Variants in MITF observed in about 807,000 individuals in gnomAD.
MITF encodes melanocyte inducing transcription factor.
In MITF, 17 loss-of-function variants were observed where a neutral mutation model predicts 60.5. The ratio of observed to expected loss-of-function variants is 0.28; its 90% CI spans 0.19 to 0.42. MITF has a LOEUF of 0.42. Ranked by LOEUF, MITF falls within the 10% of genes least tolerant of loss-of-function variation. The probability of loss-of-function intolerance (pLI) is 1.00; values close to 1 mark genes in which losing one functional copy is unlikely to be tolerated. For synonymous variants in MITF, 260 were observed against 248.5 expected, an observed-to-expected ratio of 1.05 and a Z score of -0.43; for missense variants, 622 against 683.5, an observed-to-expected ratio of 0.91 and a Z score of 1.00.
At chr3:69,870,585 C>A (rs1041905410) in intron 1 of MITF, among the ~76,000 whole-genome samples, 1 of 151,776 alleles carries the variant, frequency 6.6e-6, no homozygotes, top group Non-Finnish European at 1.5e-5. Flanking sequence ...CAGGCGTGTA[C>A]CACCATGCCT....
chr3:69,919,805 T>G (rs1022571257), intron 2 of MITF, among the ~76,000 whole-genome samples: 3 of 129,624 alleles, frequency 2.3e-5, no homozygotes, highest in African/African-American at 7.4e-5. Flanking sequence ...AGATGAAAAA[T>G]TATTTGCTGG....
At chr3:69,961,720 G>C (rs920365117) in intron 9 of MITF, among the ~76,000 whole-genome samples, 1 of 152,062 alleles carries the variant, frequency 6.6e-6, no homozygotes, top group Non-Finnish European at 1.5e-5. Context: ...GCAAGACTCC[G>C]TCTCAAAAAA....
intron 5 of MITF, among the ~76,000 whole-genome samples, chr3:69,947,513 CAA>C (rs1204120341): frequency 3.9e-5 from 6 of 152,164 alleles, no homozygotes; most frequent in East Asian, 1.9e-4. Context: ...AGCTAATAAT[CAA>C]AGTCACTTTT....
chr3:69,776,229 G>A lies in MITF; in HGVS notation c.104+36528G>A, dbSNP rs535706791. The stretch of plus-strand genomic sequence containing the variant: ...CTTCTGTAAGCCTCAGAATTGTAAA[G>A]TGGAGATAAAAATACCAGCTACCTT... On this transcript the variant is annotated intron_variant, in intron 1 of 9. Transcript: ENST00000352241. Among the ~76,000 whole-genome samples the A allele has an allele frequency of 1.9e-3, 292 of 152,324 alleles. 3 individuals carry two copies. The highest frequency in any genetic ancestry group is 6.8e-3 in the African/African-American group (281 of 41,574).
chr3:69,847,778 T>C (rs1310144886), intron 1 of MITF, among the ~76,000 whole-genome samples: 1 of 152,222 alleles, frequency 6.6e-6, no homozygotes, highest in Non-Finnish European at 1.5e-5. Flanking sequence ...CCTCCAAGAC[T>C]TTGCCATGTT....
intron 1 of MITF, among the ~76,000 whole-genome samples, chr3:69,828,366 A>G (rs971667442): frequency 2.0e-5 from 3 of 152,204 alleles, no homozygotes; most frequent in Admixed American, 2.0e-4. Flanking sequence ...TCATCTTAGA[A>G]GAGTAATAGG....
At chr3:69,951,575 G>GA (rs1441046352) in intron 6 of MITF, among the ~76,000 whole-genome samples, 2 of 150,804 alleles carry the variant, frequency 1.3e-5, no homozygotes, top group African/African-American at 4.9e-5. Context: ...TTTTTACCAG[G>GA]GTTTTTTTTT....
intron 1 of MITF, among the ~76,000 whole-genome samples, chr3:69,862,609 C>T (rs956510500): frequency 6.6e-6 from 1 of 152,172 alleles, no homozygotes; most frequent in African/African-American, 2.4e-5. Flanking sequence ...GACAGGATAA[C>T]AAGTAAAATC....
At chr3:69,830,707 G>A (rs1226309940) in intron 1 of MITF, among the ~76,000 whole-genome samples, 1 of 151,948 alleles carries the variant, frequency 6.6e-6, no homozygotes, top group African/African-American at 2.4e-5. Context: ...AAATGAAAAG[G>A]GGGTTCAATA....
intron 2 of MITF, 24 bp downstream of exon 2, chr3:69,879,407 G>T: frequency 1.9e-6 from 3 of 1,614,106 alleles, no homozygotes; most frequent in Non-Finnish European, 2.5e-6. Context: ...GCTCTTGTTG[G>T]TTGGACCAAA....
At position 69,789,049 on chromosome 3, in the gene MITF, A is replaced by T. The variant is rs1194004310; in HGVS notation, c.104+49348A>T. 4.6e-5 allele frequency among the ~76,000 whole-genome samples: 7 copies of T among 152,192 alleles called. No individual in the cohort carries two copies. The East Asian group carries it at 9.6e-4, about 21-fold the overall frequency. ...ATTGAACTTAGCAATGATTTATTGT[A>T]TGTAACACCAAAAGCACAGGCAACA... On this transcript the variant is annotated intron_variant, in intron 1 of 9. Coordinates refer to ENST00000352241, the MANE Select transcript of MITF (RefSeq NM_001354604.2).
chr3:69,946,577 G>T (rs2107504474), intron 5 of MITF, among the ~76,000 whole-genome samples: 1 of 152,250 alleles, frequency 6.6e-6, no homozygotes, highest in South Asian at 2.1e-4. Context: ...TTAATTCTGT[G>T]CTTGGCCCAA....
Position 69,950,925 on chromosome 3 carries a change from A to G in MITF, c.881-887A>G, listed in dbSNP as rs558004500. On this transcript the variant is annotated intron_variant, in intron 6 of 9. Coordinates refer to ENST00000352241, the MANE Select transcript of MITF (RefSeq NM_001354604.2). ...ATTGCAGTTGCCACCAAATGCCTCT[A>G]TTCCTATTTTGTTTTTATAGACTCA... Among the ~76,000 whole-genome samples, 301 of 152,100 alleles carry G rather than the reference A, an allele frequency of 2.0e-3. 2 individuals are homozygous for G. The highest frequency in any genetic ancestry group is 7.0e-3 in the African/African-American group (291 of 41,492).
At chr3:69,843,443 C>G (rs937755753) in intron 1 of MITF, among the ~76,000 whole-genome samples, 1 of 152,084 alleles carries the variant, frequency 6.6e-6, no homozygotes, top group African/African-American at 2.4e-5. Context: ...TCCCTCCACC[C>G]CCGGCAATTA....
intron 4 of MITF, among the ~76,000 whole-genome samples, chr3:69,939,916 C>T (rs1037491018): frequency 5.9e-5 from 9 of 152,184 alleles, no homozygotes; most frequent in Admixed American, 2.0e-4. Flanking sequence ...TATTTACCAA[C>T]TCAATTAGAA....
At chr3:69,938,682 G>T (rs2065901206) in intron 3 of MITF, 1 of 1,308,160 alleles carries the variant, frequency 7.6e-7, no homozygotes, top group East Asian at 3.1e-5. Flanking sequence ...GCTAATTGGT[G>T]CATCAAAATT....
At chr3:69,816,762 T>C (rs2063188311) in intron 1 of MITF, among the ~76,000 whole-genome samples, 1 of 152,234 alleles carries the variant, frequency 6.6e-6, no homozygotes. Context: ...AAATGCTTAG[T>C]ATAGTTCCTT....
chr3:69,912,052 G>T (rs150958633), intron 2 of MITF, among the ~76,000 whole-genome samples: 2,347 of 152,298 alleles, frequency 0.015, 29 homozygotes, highest in Middle Eastern at 0.051. Flanking sequence ...CATCATAAAG[G>T]AGAGAAAATA....
At chr3:69,958,927 A>G (rs1030153499) in intron 8 of MITF, among the ~76,000 whole-genome samples, 5 of 151,078 alleles carry the variant, frequency 3.3e-5, no homozygotes, top group African/African-American at 9.7e-5. Flanking sequence ...AATGGCAGCT[A>G]TAATTAATGT....
Sources: allele counts gnomAD v4.1 joint callset (sites outside exome capture counted in the v4.1 genomes callset), GRCh38; gene constraint gnomAD v4.1.1; transcripts MANE v1.5; gene names NCBI Gene and HGNC (gene_info 2026-07-23, HGNC 2026-07-21).